The following DAB1 variants were observed in gnomAD, a reference collection of about 807,000 sequenced individuals.
The protein encoded by DAB1 is disabled homolog 1.
DAB1 carries 15 observed loss-of-function variants against 64.6 expected under a neutral mutation model. The observed-to-expected ratio is 0.23, with a 90% CI of 0.16 to 0.36. The LOEUF is 0.36. DAB1 is among the 10% of genes least tolerant of loss of function. The pLI, the probability that DAB1 is intolerant of heterozygous loss-of-function variation, is 1.00. For synonymous variants in DAB1, 235 were observed against 251.9 expected, an observed-to-expected ratio of 0.93 and a Z score of 0.64; for missense variants, 596 against 706.7, an observed-to-expected ratio of 0.84 and a Z score of 1.78.
rs537912154 is a variant in DAB1, at chr1:57,477,279, T to C, written n.625+172313A>G. 6.6e-5 allele frequency among the ~76,000 whole-genome samples: 10 copies of C among 152,328 alleles called. No homozygotes were observed. In the South Asian group the frequency reaches 2.1e-3, roughly 32 times the overall value. On this transcript the variant is annotated intron_variant and non_coding_transcript_variant, in intron 7 of 20. Coordinates refer to the DAB1 transcript ENST00000485760. ...ACAATTTGGCATGTGTGCACTCACA[T>C]GCACACACAGACCCCTAAAACCAGA...
chr1:57,286,439 A>T (rs1672323180), intron 2 of DAB1, among the ~76,000 whole-genome samples: 1 of 152,226 alleles, frequency 6.6e-6, no homozygotes, highest in South Asian at 2.1e-4. Context: ...AAAATAGGAC[A>T]TGAAACTGTA....
At chr1:58,132,436 G>A (rs1326343106) in intron 5 of DAB1, among the ~76,000 whole-genome samples, 1 of 152,174 alleles carries the variant, frequency 6.6e-6, no homozygotes, top group African/African-American at 2.4e-5. Flanking sequence ...GCTCACGCTG[G>A]GAGCTGTAGA....
chr1:57,331,753 C>T (rs1676690438), intron 1 of DAB1, among the ~76,000 whole-genome samples: 1 of 152,176 alleles, frequency 6.6e-6, no homozygotes, highest in Admixed American at 6.5e-5. Flanking sequence ...CCCACAATTG[C>T]TCTTCTTCTT....
chr1:57,092,214 T>C (rs947788553), intron 4 of DAB1, among the ~76,000 whole-genome samples: 1 of 152,234 alleles, frequency 6.6e-6, no homozygotes, highest in African/African-American at 2.4e-5. Flanking sequence ...TATTGACTAC[T>C]TCCTGCGTTT....
chr1:58,038,922 G>C (rs1647089430), intron 5 of DAB1, among the ~76,000 whole-genome samples: 1 of 152,060 alleles, frequency 6.6e-6, no homozygotes, highest in African/African-American at 2.4e-5. Context: ...TCCCTCAATG[G>C]AGACCATCAT....
At chr1:57,125,003 A>G (rs1316064772) in intron 4 of DAB1, among the ~76,000 whole-genome samples, 1 of 147,738 alleles carries the variant, frequency 6.8e-6, no homozygotes, top group African/African-American at 2.5e-5. Context: ...AGTAATATCT[A>G]TAGTTCATAG....
At chr1:58,076,615 T>C (rs555689504) in intron 5 of DAB1, among the ~76,000 whole-genome samples, 4 of 152,332 alleles carry the variant, frequency 2.6e-5, no homozygotes, top group East Asian at 1.9e-4. Flanking sequence ...GTTTCCTAAT[T>C]AGTAAACGAT....
At chr1:57,148,720 G>A (rs1659381473) in intron 2 of DAB1, among the ~76,000 whole-genome samples, 3 of 152,164 alleles carry the variant, frequency 2.0e-5, no homozygotes, top group Non-Finnish European at 2.9e-5. Context: ...GGTTTCACAC[G>A]CAATTTCTCA....
intron 1 of DAB1, among the ~76,000 whole-genome samples, chr1:57,423,553 G>C (rs1443378063): frequency 6.6e-6 from 1 of 152,010 alleles, no homozygotes; most frequent in East Asian, 1.9e-4. Context: ...GCAGGCTCGA[G>C]GTCCGATATA....
intron 2 of DAB1, among the ~76,000 whole-genome samples, chr1:57,246,270 C>T (rs939241791): frequency 6.6e-6 from 1 of 152,222 alleles, no homozygotes; most frequent in Non-Finnish European, 1.5e-5. Flanking sequence ...CCCGCTGCCC[C>T]CTGCTCTGTG....
intron 2 of DAB1, among the ~76,000 whole-genome samples, chr1:57,199,094 G>A (rs1281495957): frequency 4.6e-5 from 7 of 152,134 alleles, no homozygotes; most frequent in Admixed American, 4.6e-4. Flanking sequence ...TGAGGCTGGG[G>A]GAAGGGAAAA....
intron 3 of DAB1, among the ~76,000 whole-genome samples, chr1:58,419,396 T>C (rs370967335): frequency 6.6e-5 from 10 of 152,340 alleles, no homozygotes; most frequent in African/African-American, 2.4e-4. Flanking sequence ...TGGTAAACTG[T>C]AAGGAGATAT....
At chr1:57,071,500 A>G in intron 6 of DAB1, 22 bp downstream of exon 6, 2 of 1,600,386 alleles carry the variant, frequency 1.2e-6, no homozygotes, top group Non-Finnish European at 1.7e-6. Flanking sequence ...TCTCCAGCGC[A>G]AGGATAAATT....
intron 7 of DAB1, among the ~76,000 whole-genome samples, chr1:57,596,247 T>G (rs1645508136): frequency 1.3e-5 from 2 of 152,292 alleles, no homozygotes; most frequent in African/African-American, 4.8e-5. Context: ...GTTAGGAGGT[T>G]TGGCATTGAT....
intron 2 of DAB1, among the ~76,000 whole-genome samples, chr1:58,517,346 A>C (rs949109968): frequency 6.6e-6 from 1 of 152,208 alleles, no homozygotes; most frequent in African/African-American, 2.4e-5. Context: ...CATTTTAACC[A>C]CAACAAATTT....
chr1:57,933,580 T>C (rs895399090), intron 5 of DAB1, among the ~76,000 whole-genome samples: 3 of 152,230 alleles, frequency 2.0e-5, no homozygotes, highest in Admixed American at 2.0e-4. Flanking sequence ...CTTTTTATTA[T>C]TGATGAATAT....
At chr1:58,504,117 A>G (rs1473853131) in intron 3 of DAB1, among the ~76,000 whole-genome samples, 2 of 152,182 alleles carry the variant, frequency 1.3e-5, no homozygotes, top group Non-Finnish European at 2.9e-5. Context: ...TGATCACAAT[A>G]AAACATGAGT....
intron 4 of DAB1, among the ~76,000 whole-genome samples, chr1:58,177,980 C>A (rs1249640820): frequency 6.6e-6 from 1 of 152,128 alleles, no homozygotes; most frequent in Non-Finnish European, 1.5e-5. Context: ...CATAAATATG[C>A]CCTCCTCCCA....
chr1:58,155,319 A>G (rs1340052253), intron 4 of DAB1, among the ~76,000 whole-genome samples: 2 of 152,220 alleles, frequency 1.3e-5, no homozygotes, highest in African/African-American at 2.4e-5. Context: ...ATGTCTGAAG[A>G]CAGTCTTAAT....
Sources: allele counts gnomAD v4.1 joint callset (sites outside exome capture counted in the v4.1 genomes callset), GRCh38; gene constraint gnomAD v4.1.1; transcripts MANE v1.5; gene names NCBI Gene and HGNC (gene_info 2026-07-23, HGNC 2026-07-21).